The following FAM3D variants were observed in gnomAD, a reference collection of about 807,000 sequenced individuals.
FAM3D encodes FAM3 metabolism regulating signaling molecule D.
FAM3D carries 26 observed loss-of-function variants against 29.8 expected under a neutral mutation model. That is an observed-to-expected ratio of 0.87 (90% CI 0.64 to 1.21). The LOEUF (loss-of-function observed/expected upper bound fraction) is 1.21. FAM3D is among the 50% of genes most tolerant of loss of function. The pLI is 0.00. For missense variants in FAM3D, 253 were observed against 290.9 expected, an observed-to-expected ratio of 0.87 and a Z score of 0.95; for synonymous variants, 115 against 102.3, an observed-to-expected ratio of 1.12 and a Z score of -0.75.
intron 3 of FAM3D, among the ~76,000 whole-genome samples, chr3:58,649,999 C>A (rs961205493): frequency 2.0e-5 from 3 of 152,204 alleles, no homozygotes; most frequent in Non-Finnish European, 2.9e-5. Flanking sequence ...GTGTTTGGCC[C>A]ATATTGGGGT....
intron 3 of FAM3D, among the ~76,000 whole-genome samples, chr3:58,651,586 C>T (rs1189177483): frequency 6.6e-6 from 1 of 152,184 alleles, no homozygotes; most frequent in African/African-American, 2.4e-5. Context: ...AGTTCAAAAC[C>T]CAGCAGTCAC....
At chr3:58,642,401 C>T (rs2066358869) in intron 6 of FAM3D, among the ~76,000 whole-genome samples, 1 of 152,216 alleles carries the variant, frequency 6.6e-6, no homozygotes, top group Non-Finnish European at 1.5e-5. Flanking sequence ...CCTGTTCCTT[C>T]CTAAGTGTGC....
At chr3:58,661,035 G>A (rs752192471) in intron 1 of FAM3D, among the ~76,000 whole-genome samples, 19 of 152,202 alleles carry the variant, frequency 1.2e-4, no homozygotes, top group Non-Finnish European at 1.8e-4. Flanking sequence ...TTGGCAGGCC[G>A]TATGTTCTGT....
intron 1 of FAM3D, among the ~76,000 whole-genome samples, chr3:58,662,324 C>T (rs2066948015): frequency 6.6e-6 from 1 of 152,208 alleles, no homozygotes; most frequent in South Asian, 2.1e-4. Context: ...ACGTGGTGGC[C>T]TCCACAACAA....
At position 58,645,385 on chromosome 3, in the gene FAM3D, G is replaced by C. The variant is rs1280043885; in HGVS notation, c.263+124C>G. ...TTGTTATTTGTGCCTCACACACCCA[G>C]AGTGAAAGGGAAGCTGTGGGCTGGT... is the stretch of plus-strand genomic sequence containing the variant. On this transcript the variant is annotated intron_variant, in intron 5 of 9. Coordinates refer to ENST00000358781, the MANE Select transcript of FAM3D (RefSeq NM_138805.3). The C allele has an allele frequency of 4.8e-6, 3 of 628,208 alleles. No homozygotes were observed. In the East Asian group the frequency reaches 8.5e-5, roughly 18 times the overall value. The allele number at this position is 628,208 out of a possible 1,614,324, so 38.9% of individuals were successfully genotyped here.
At chr3:58,658,604 C>CT (rs1396984910) in intron 1 of FAM3D, among the ~76,000 whole-genome samples, 1 of 152,226 alleles carries the variant, frequency 6.6e-6, no homozygotes, top group Non-Finnish European at 1.5e-5. Context: ...CCCTGACTCT[C>CT]TGAGTCAAGG....
At chr3:58,650,795 G>T (rs2066613974) in intron 3 of FAM3D, among the ~76,000 whole-genome samples, 4 of 152,168 alleles carry the variant, frequency 2.6e-5, no homozygotes, top group Admixed American at 2.6e-4. Flanking sequence ...TCGGCTCACT[G>T]CAAGCTCCGC....
In FAM3D at chr3:58,635,687, T is replaced by C. The variant is rs1260541745; in HGVS notation, c.585+607A>G. ...CGTTCTTCACTGCGTTCAAGTAATT[T>C]CTAGTTACCCAAATACATCCTCTTA... On this transcript the variant is annotated intron_variant, in intron 9 of 9. Transcript: ENST00000358781. The surrounding 1 kb of genome is among the most constrained non-coding windows in gnomAD (Gnocchi z 5.2). Among the ~76,000 whole-genome samples the C allele has an allele frequency of 6.6e-6, 1 of 152,176 alleles. No homozygotes were observed. The highest frequency in any genetic ancestry group is 1.5e-5 in the Non-Finnish European group (1 of 68,038).
intron 7 of FAM3D, 143 bp from the exon 8 acceptor site, chr3:58,637,368 C>T (rs987987307): frequency 7.0e-6 from 5 of 716,934 alleles, no homozygotes; most frequent in Non-Finnish European, 1.2e-5. Flanking sequence ...GGAAGAGCAT[C>T]CCAGGTGGAG....
chr3:58,646,761 C>T (rs1305483160), intron 4 of FAM3D, among the ~76,000 whole-genome samples: 4 of 152,348 alleles, frequency 2.6e-5, no homozygotes, highest in African/African-American at 9.6e-5. Context: ...GACCTTGCTG[C>T]ATGCAAGGCA....
chr3:58,649,617 C>CA (rs2066575294), intron 3 of FAM3D, among the ~76,000 whole-genome samples: 1 of 152,216 alleles, frequency 6.6e-6, no homozygotes, highest in Admixed American at 6.5e-5. Flanking sequence ...TGCATAGAGA[C>CA]ACACAGGTAT....
At chr3:58,655,391 G>A (rs1181422814) in intron 2 of FAM3D, among the ~76,000 whole-genome samples, 160 bp downstream of exon 2, 1 of 152,344 alleles carries the variant, frequency 6.6e-6, no homozygotes, top group Non-Finnish European at 1.5e-5. Context: ...CCTAGAGACA[G>A]GAAGTCGCCT....
Position 58,643,872 on chromosome 3 carries a change from G to A in FAM3D, c.264-152C>T, listed in dbSNP as rs570627103. 1.4e-5 allele frequency: 10 copies of A among 726,896 alleles called. No homozygotes were observed. The African/African-American group carries it at 1.5e-4, about 11-fold the overall frequency. The allele number at this position is 726,896 out of a possible 1,614,324, so 45.0% of individuals were successfully genotyped here. The stretch of plus-strand genomic sequence containing the variant: ...TAACTGGGGCCATCTGTTTTCTCCT[G>A]AAAACTAGTGGTGGGCTGGATTCTC... On this transcript the variant is annotated intron_variant, in intron 5 of 9. Transcript: ENST00000358781.
At chr3:58,654,916 T>C (rs2066748094) in intron 2 of FAM3D, among the ~76,000 whole-genome samples, 1 of 152,334 alleles carries the variant, frequency 6.6e-6, no homozygotes, top group South Asian at 2.1e-4. Flanking sequence ...TGTGAGCAAC[T>C]TTTGAATACA....
At chr3:58,643,987 G>A (rs2066407724) in intron 5 of FAM3D, among the ~76,000 whole-genome samples, 1 of 152,178 alleles carries the variant, frequency 6.6e-6, no homozygotes, top group African/African-American at 2.4e-5. Flanking sequence ...GTTGGAGGTG[G>A]GGCCAGCCCA....
chr3:58,638,702 C>G (rs2066244307), intron 7 of FAM3D, among the ~76,000 whole-genome samples: 1 of 152,234 alleles, frequency 6.6e-6, no homozygotes, highest in African/African-American at 2.4e-5. Flanking sequence ...GCCCACAAAG[C>G]TGGCCTTGAT....
chr3:58,646,024 G>A (rs1270167251), intron 4 of FAM3D, among the ~76,000 whole-genome samples: 3 of 152,208 alleles, frequency 2.0e-5, no homozygotes, highest in African/African-American at 4.8e-5. Context: ...GGACCCTGGC[G>A]GGGTGAGTGG....
intron 5 of FAM3D, among the ~76,000 whole-genome samples, chr3:58,644,306 A>G (rs2066417898): frequency 6.6e-6 from 1 of 152,138 alleles, no homozygotes; most frequent in South Asian, 2.1e-4. Context: ...GTGTTGTGGG[A>G]GGGACCCAGT....
At chr3:58,661,861 C>A (rs974116904) in intron 1 of FAM3D, among the ~76,000 whole-genome samples, 13 of 152,216 alleles carry the variant, frequency 8.5e-5, no homozygotes, top group African/African-American at 3.1e-4. Context: ...ACCCTCCATC[C>A]CCCTTCTCAA....
Sources: gnomAD v4.1 joint callset for allele counts (sites outside exome capture counted in the v4.1 genomes callset) on GRCh38, gnomAD v4.1.1 for gene constraint, Gnocchi (gnomAD v3.1) non-coding constraint, MANE v1.5 for transcripts, NCBI Gene and HGNC (gene_info 2026-07-23, HGNC 2026-07-21) for gene names.